The following MORC3 variants were observed in gnomAD, a reference collection of about 807,000 sequenced individuals.
MORC3 encodes the protein MORC family CW-type zinc finger 3.
MORC3 carries 31 observed loss-of-function variants against 109.1 expected under a neutral mutation model. The observed-to-expected ratio is 0.28, with a 90% CI of 0.21 to 0.38. MORC3 has a LOEUF of 0.38. Among genes scored for constraint, MORC3 ranks in the 10% least tolerant of loss-of-function variants. The pLI is 1.00. For synonymous variants in MORC3, 395 were observed against 380.7 expected (o/e 1.04, Z -0.44); for missense variants, 867 against 1,135.8 (o/e 0.76, Z 3.40).
At chr21:36,363,878 C>A (rs1249430926) in intron 13 of MORC3, among the ~76,000 whole-genome samples, 2 of 152,152 alleles carry the variant, frequency 1.3e-5, no homozygotes, top group African/African-American at 2.4e-5. Flanking sequence ...TTCTTCACAC[C>A]TTTTAAAAAT....
intron 9 of MORC3, among the ~76,000 whole-genome samples, chr21:36,355,911 G>A (rs2085639975): frequency 6.6e-6 from 1 of 152,084 alleles, no homozygotes; most frequent in South Asian, 2.1e-4. Context: ...TTTGCTTCTT[G>A]GGAAAACAAC....
At chr21:36,333,746 T>TTTGTTGC in intron 2 of MORC3, 28 bp downstream of exon 2, 1 of 1,496,642 alleles carries the variant, frequency 6.7e-7, no homozygotes, top group African/African-American at 1.4e-5. Flanking sequence ...TCATATACCA[T>TTTGTTGC]TTGTTGCTTA....
chr21:36,344,531 T>C, intron 6 of MORC3, 48 bp from the exon 7 acceptor site: 4 of 1,584,308 alleles, frequency 2.5e-6, no homozygotes, highest in Non-Finnish European at 3.4e-6. Flanking sequence ...GTCTAAGTAA[T>C]GGTGAGCAAA....
In MORC3 at chr21:36,356,720, A is replaced by G; in HGVS notation, c.1204A>G (p.Ile402Val). 2.0e-6 allele frequency: 3 copies of G among 1,535,586 alleles called. No individual in the cohort carries two copies. Among genetic ancestry groups the G allele is most frequent in the Non-Finnish European group, 2.7e-6 (3 of 1,121,562 alleles). The stretch of plus-strand genomic sequence containing the variant: ...TCCTCTAAATTTGCCAGTTGAAGAT[A>G]TACAGTAAGTACATTTTTAAAACAT... ...EYPLNLPVED[I>V]QKRPDQTWVQ... The change falls in exon 10 of 17, where the codon ATA becomes GTA. Residue 402 changes from isoleucine to valine, a missense_variant. Ile to Val is a conservative substitution (Grantham distance 29). Around this residue, in one of 7 missense-constraint regions of MORC3, gnomAD observed 120 missense variants for 259.7 expected, o/e 0.46. Transcript: ENST00000400485.
At chr21:36,362,968 A>C (rs1209851729) in intron 13 of MORC3, among the ~76,000 whole-genome samples, 2 of 152,136 alleles carry the variant, frequency 1.3e-5, no homozygotes, top group African/African-American at 4.8e-5. Flanking sequence ...GCCATATTTT[A>C]GTGCTAACCG....
chr21:36,337,364 CTCACAG>C lies in MORC3; in HGVS notation c.245+361_246-360del, dbSNP rs2085385619. ...GAGGAAGAGATTCATGGGGTGAAAT[CTCACAG>C]TCCCGGAAGCATGGGTTATACTCAG... On this transcript the variant is annotated intron_variant, in intron 3 of 16. Coordinates refer to ENST00000400485, the MANE Select transcript of MORC3 (RefSeq NM_015358.3). 1.8e-4 allele frequency among the ~76,000 whole-genome samples: 28 copies of C among 152,266 alleles called. No individual in the cohort carries two copies. The South Asian group carries it at 5.6e-3, about 30-fold the overall frequency.
chr21:36,325,529 T>G (rs143131437), intron 1 of MORC3, among the ~76,000 whole-genome samples: 1,535 of 152,356 alleles, frequency 0.01, 17 homozygotes, highest in African/African-American at 0.035. Context: ...GCTAAGTACA[T>G]TCACATGGTT....
At position 36,360,389 on chromosome 21, in the gene MORC3, A is replaced by G. The variant is rs557018572; in HGVS notation, c.1406+131A>G. The G allele has an allele frequency of 2.0e-3, 1,837 of 896,750 alleles. 2 individuals are homozygous for G. Among genetic ancestry groups the G allele is most frequent in the Non-Finnish European group, 2.8e-3 (1,647 of 592,472 alleles). 55.5% of individuals were successfully genotyped at this position (896,750 alleles called of 1,614,324 possible). ...AAAAAGTTTATAATGTGGAGTGCGT[A>G]ATATCAAGGGCTTTAAAAACAAAAA... On this transcript the variant is annotated intron_variant, in intron 12 of 16. Transcript: ENST00000400485.
At chr21:36,362,144 T>C (rs2085724315) in intron 12 of MORC3, 39 bp from the exon 13 acceptor site, 6 of 1,602,128 alleles carry the variant, frequency 3.7e-6, no homozygotes, top group Non-Finnish European at 5.1e-6. Flanking sequence ...GGAAATGGGA[T>C]TGAGAAATAA....
chr21:36,345,180 A>G, intron 8 of MORC3, 149 bp downstream of exon 8: 1 of 845,346 alleles, frequency 1.2e-6, no homozygotes. Flanking sequence ...ACACTGTGGT[A>G]TTTGAACTTT....
intron 7 of MORC3, 67 bp downstream of exon 7, chr21:36,344,774 T>G: frequency 6.3e-7 from 1 of 1,592,616 alleles, no homozygotes; most frequent in Non-Finnish European, 8.6e-7. Flanking sequence ...CCCTTTCCCC[T>G]TATATGCTGA....
chr21:36,366,577 C>T (rs542419860), intron 14 of MORC3, among the ~76,000 whole-genome samples: 1 of 152,154 alleles, frequency 6.6e-6, no homozygotes, highest in Non-Finnish European at 1.5e-5. Context: ...GCCTCAGCCT[C>T]CTGAGTAGCT....
chr21:36,369,670 C>T lies in MORC3; in HGVS notation c.2302C>T (p.His768Tyr), dbSNP rs778546051. 4.3e-6 allele frequency: 7 copies of T among 1,613,972 alleles called. No individual in the cohort carries two copies. The African/African-American group carries it at 9.3e-5, about 22-fold the overall frequency. ...TAATGGCAAATCTGAAAGTCCAGAC[C>T]ATATGGTATCTCAGTATCAGCAAGC... is the stretch of plus-strand genomic sequence containing the variant. ...SINGKSESPDHMVSQYQQALE... is the reference protein window; with the variant it reads ...SINGKSESPDYMVSQYQQALE... The change falls in exon 15 of 17, where the codon CAT becomes TAT. Residue 768 changes from histidine to tyrosine, a missense_variant. Transcript: ENST00000400485.
chr21:36,355,602 G>T (rs1014785608), intron 9 of MORC3, among the ~76,000 whole-genome samples: 1 of 152,022 alleles, frequency 6.6e-6, no homozygotes, highest in Non-Finnish European at 1.5e-5. Flanking sequence ...TTGCTAATAA[G>T]TGTTCTTTGT....
intron 5 of MORC3, 45 bp downstream of exon 5, chr21:36,338,966 C>T (rs182110296): frequency 6.7e-5 from 107 of 1,593,932 alleles, no homozygotes; most frequent in Middle Eastern, 1.7e-4. Flanking sequence ...GTAAAGTGCA[C>T]GTGCAGGGTG....
chr21:36,352,217 C>T (rs2085580433), intron 9 of MORC3, among the ~76,000 whole-genome samples: 1 of 152,056 alleles, frequency 6.6e-6, no homozygotes, highest in Non-Finnish European at 1.5e-5. Context: ...AAAAGGAACA[C>T]CTACAAAAAC....
intron 14 of MORC3, among the ~76,000 whole-genome samples, chr21:36,366,778 A>G (rs1332518241): frequency 2.0e-5 from 3 of 152,210 alleles, no homozygotes; most frequent in African/African-American, 7.2e-5. Flanking sequence ...TTAAAGCCGT[A>G]TTCTCAAATT....
intron 1 of MORC3, among the ~76,000 whole-genome samples, chr21:36,321,480 G>A (rs1887388105): frequency 6.6e-6 from 1 of 151,274 alleles, no homozygotes; most frequent in South Asian, 2.1e-4. Flanking sequence ...CTTTCGTTAT[G>A]TAACTAGCTT....
At chr21:36,359,882 T>C (rs908259360) in intron 10 of MORC3, 73 bp from the exon 11 acceptor site, 1 of 1,558,368 alleles carries the variant, frequency 6.4e-7, no homozygotes, top group Non-Finnish European at 8.8e-7. Flanking sequence ...GTGGTAGAAA[T>C]GATGTGGAAC....
Sources: gnomAD v4.1 joint callset for allele counts (sites outside exome capture counted in the v4.1 genomes callset) on GRCh38, gnomAD v4.1.1 for gene constraint, gnomAD v4.1.1 regional missense constraint, MANE v1.5 for transcripts, NCBI Gene and HGNC (gene_info 2026-07-23, HGNC 2026-07-21) for gene names.